NOP9: variants seen among roughly 807,000 people sequenced by gnomAD.
NOP9 encodes nucleolar protein 9.
Under a neutral mutation model 63.0 loss-of-function variants are expected in NOP9, and 50 were observed. The observed-to-expected ratio is 0.79, with a 90% CI of 0.63 to 1.00. The LOEUF is 1.00. NOP9 is among the 50% of genes least tolerant of loss of function. NOP9 has a pLI of 0.00. For missense variants in NOP9, 758 were observed against 803.0 expected, an observed-to-expected ratio of 0.94 and a Z score of 0.68; for synonymous variants, 343 against 332.8, an observed-to-expected ratio of 1.03 and a Z score of -0.33.
chr14:24,291,669 C>G, the NOP9 span: 16 of 1,580,760 alleles, frequency 1.0e-5, no homozygotes, highest in Non-Finnish European at 1.4e-5. Flanking sequence ...TTTCCAAGAG[C>G]ACTGCCCAGG....
Position 24,301,957 on chromosome 14 carries a change from C to G in NOP9, c.809-8C>G, listed in dbSNP as rs1382944880. The G allele has an allele frequency of 1.2e-6, 2 of 1,604,728 alleles. No individual in the cohort carries two copies. Among genetic ancestry groups the G allele is most frequent in the African/African-American group, 1.3e-5 (1 of 74,470 alleles). On this transcript the variant is annotated splice_region_variant and splice_polypyrimidine_tract_variant and intron_variant, in intron 3 of 9. Coordinates refer to ENST00000267425, the MANE Select transcript of NOP9 (RefSeq NM_174913.3). The stretch of plus-strand genomic sequence containing the variant: ...GAAAGCCGCTTTATTTCTGCCCTCT[C>G]TCCACAGTGTTTATCACTGATAAGA...
At chr14:24,288,636 C>T in the NOP9 span, among the ~76,000 whole-genome samples, 3 of 152,170 alleles carry the variant, frequency 2.0e-5, no homozygotes, top group Non-Finnish European at 4.4e-5. Context: ...GCGTGAGCCA[C>T]CGCGCCCGAC....
chr14:24,296,650 A>G, upstream of NOP9: 1 of 1,613,474 alleles, frequency 6.2e-7, no homozygotes, highest in Non-Finnish European at 8.5e-7. Flanking sequence ...GGGCTGGGTA[A>G]TGGAAGGGAC....
chr14:24,300,297 T>C (rs1386043159), intron 1 of NOP9, 96 bp downstream of exon 1: 5 of 1,567,012 alleles, frequency 3.2e-6, no homozygotes, highest in Non-Finnish European at 4.3e-6. Context: ...CTTAGTTTCA[T>C]TTCCCATGTC....
the NOP9 span, among the ~76,000 whole-genome samples, chr14:24,282,827 C>G: frequency 6.6e-6 from 1 of 152,358 alleles, no homozygotes; most frequent in South Asian, 2.1e-4. Context: ...CAGTTCCTCT[C>G]CACTGCTGGC....
intron 2 of NOP9, 49 bp from the exon 3 acceptor site, chr14:24,301,563 A>T (rs2041376541): frequency 6.2e-7 from 1 of 1,605,244 alleles, no homozygotes; most frequent in Non-Finnish European, 8.5e-7. Flanking sequence ...TCTCTCCTGG[A>T]TGGCAGTTTG....
the NOP9 span, among the ~76,000 whole-genome samples, chr14:24,288,581 C>T: frequency 2.0e-5 from 3 of 152,182 alleles, no homozygotes; most frequent in African/African-American, 7.2e-5. Flanking sequence ...AACTCCTGGC[C>T]TCGTGATCTG....
At chr14:24,278,494 A>G in the NOP9 span, among the ~76,000 whole-genome samples, 1 of 152,192 alleles carries the variant, frequency 6.6e-6, no homozygotes, top group Non-Finnish European at 1.5e-5. Context: ...CTTGCACATA[A>G]TTGGGAGGAA....
chr14:24,296,974 GAC>G (rs2041260492), upstream of NOP9: 1 of 1,557,690 alleles, frequency 6.4e-7, no homozygotes, highest in Non-Finnish European at 8.8e-7. Context: ...GAACTGAGAA[GAC>G]AATCAATCCT....
the NOP9 span, chr14:24,292,186 G>A: frequency 3.7e-6 from 6 of 1,614,068 alleles, no homozygotes; most frequent in East Asian, 1.3e-4. Context: ...TTGCCAACCT[G>A]CTTCAACACA....
In NOP9 at chr14:24,302,028, A is replaced by C. The variant is rs1338791769; in HGVS notation, c.872A>C (p.Lys291Thr). 1 of 1,614,060 alleles carries C rather than the reference A, an allele frequency of 6.2e-7. No homozygotes were observed. Residue 291 changes from lysine (K) to threonine (T), a missense_variant, in exon 4 of 10, where the codon AAA (lysine) becomes ACA (threonine). Lys to Thr is a moderately conservative substitution (Grantham distance 78). Coordinates refer to ENST00000267425, the MANE Select transcript of NOP9 (RefSeq NM_174913.3). ...LQVALQVLHR[K>T]LPQFCAHLCN... is the part of the protein sequence containing the mutation. Reference sequence around the variant, plus strand: ...GTGGCTTTACAGGTTTTACACCGCAAACTTCCCCAGTTTTGCGCTCATCTC... The same window carrying C: ...GTGGCTTTACAGGTTTTACACCGCACACTTCCCCAGTTTTGCGCTCATCTC...
chr14:24,277,022 A>G, the NOP9 span, among the ~76,000 whole-genome samples: 1 of 152,194 alleles, frequency 6.6e-6, no homozygotes, highest in African/African-American at 2.4e-5. Context: ...TAGAATCCAC[A>G]TGAATGTCCC....
chr14:24,303,358 T>C, intron 6 of NOP9, 144 bp downstream of exon 6: 2 of 997,558 alleles, frequency 2.0e-6, no homozygotes, highest in South Asian at 1.5e-5. Flanking sequence ...AAATGAGGCC[T>C]ATAGGTGCCC....
chr14:24,291,676 C>T, the NOP9 span: 1 of 1,546,278 alleles, frequency 6.5e-7, no homozygotes, highest in Non-Finnish European at 8.9e-7. Flanking sequence ...GAGCACTGCC[C>T]AGGTCTCCTC....
At chr14:24,299,819 A>G (rs566557648), upstream of NOP9, 18 of 1,159,880 alleles carry the variant, frequency 1.6e-5, no homozygotes, top group African/African-American at 2.8e-4. Flanking sequence ...GGCGGCGCGG[A>G]ACTATGACGT....
chr14:24,271,998 C>G, the NOP9 span, among the ~76,000 whole-genome samples: 2 of 152,178 alleles, frequency 1.3e-5, no homozygotes, highest in African/African-American at 2.4e-5. Context: ...CTGCCTCTCT[C>G]TTCTCATCTG....
the NOP9 span, among the ~76,000 whole-genome samples, chr14:24,289,089 G>T: frequency 2.6e-5 from 4 of 151,284 alleles, no homozygotes; most frequent in East Asian, 7.8e-4. Context: ...CCATTCTCCT[G>T]CCTCAGCCTC....
the NOP9 span, chr14:24,294,539 A>G: frequency 6.6e-6 from 1 of 152,170 alleles, no homozygotes; most frequent in South Asian, 2.1e-4. Context: ...CAGTGAGCTG[A>G]GATTGCACAC....
At chr14:24,284,538 C>G in the NOP9 span, among the ~76,000 whole-genome samples, 1 of 150,732 alleles carries the variant, frequency 6.6e-6, no homozygotes, top group Non-Finnish European at 1.5e-5. Context: ...CAGGGGAGTG[C>G]GCTTGGTGGG....
Sources: gnomAD v4.1 joint callset for allele counts (sites outside exome capture counted in the v4.1 genomes callset) on GRCh38, gnomAD v4.1.1 for gene constraint, MANE v1.5 for transcripts, NCBI Gene and HGNC (gene_info 2026-07-23, HGNC 2026-07-21) for gene names.